Variants in PLCG2 observed in about 807,000 individuals in gnomAD.
The protein encoded by PLCG2 is 1-phosphatidylinositol 4,5-bisphosphate phosphodiesterase gamma-2.
A neutral mutation model predicts 175.6 loss-of-function variants in PLCG2; 69 were observed. That is an observed-to-expected ratio of 0.39 (90% CI 0.32 to 0.48). The LOEUF is 0.48. Among genes scored for constraint, PLCG2 ranks in the 20% least tolerant of loss-of-function variants. The probability of loss-of-function intolerance (pLI) is 0.91; values close to 1 mark genes in which losing one functional copy is unlikely to be tolerated. For synonymous variants in PLCG2, 827 were observed against 624.0 expected, an observed-to-expected ratio of 1.33 and a Z score of -4.85; for missense variants, 1,798 against 1,650.9, an observed-to-expected ratio of 1.09 and a Z score of -1.54.
intron 2 of PLCG2, among the ~76,000 whole-genome samples, chr16:81,837,857 C>T (rs372045589): frequency 2.0e-5 from 3 of 152,264 alleles, no homozygotes; most frequent in African/African-American, 4.8e-5. Flanking sequence ...TGCAGTATCA[C>T]AGCCAGGATA....
chr16:81,804,002 A>G (rs1393679135), intron 2 of PLCG2, among the ~76,000 whole-genome samples: 2 of 152,188 alleles, frequency 1.3e-5, no homozygotes, highest in Non-Finnish European at 2.9e-5. Context: ...ATTGTGAATA[A>G]TACTGCGGTG....
chr16:81,781,080 A>G (rs1042292851), intron 1 of PLCG2, among the ~76,000 whole-genome samples: 1 of 149,076 alleles, frequency 6.7e-6, no homozygotes, highest in Non-Finnish European at 1.5e-5. Context: ...TTTAGAAAAC[A>G]GCAAGAACAC....
chr16:81,810,446 A>C (rs562633861), intron 2 of PLCG2, among the ~76,000 whole-genome samples: 1 of 152,306 alleles, frequency 6.6e-6, no homozygotes, highest in East Asian at 1.9e-4. Flanking sequence ...ACTTATTTGC[A>C]ACCTGCAAAC....
chr16:81,778,074 AC>A (rs1567458039), upstream of PLCG2, among the ~76,000 whole-genome samples: 40 of 50,456 alleles, frequency 7.9e-4, 1 homozygote, highest in African/African-American at 4.2e-3. Context: ...CCAAAAACAC[AC>A]ACACACAAAA....
chr16:81,930,231 A>G (rs1192212189), intron 24 of PLCG2, among the ~76,000 whole-genome samples: 2 of 152,222 alleles, frequency 1.3e-5, no homozygotes, highest in Non-Finnish European at 2.9e-5. Context: ...ATTGCCTGGT[A>G]TATAAGAGCT....
chr16:81,792,079 T>C (rs894717341), intron 2 of PLCG2, among the ~76,000 whole-genome samples: 5 of 152,222 alleles, frequency 3.3e-5, no homozygotes. Context: ...GAACTGATGG[T>C]GGCCACCAGC....
intron 1 of PLCG2, among the ~76,000 whole-genome samples, chr16:81,780,257 G>T (rs966231353): frequency 2.0e-5 from 3 of 152,174 alleles, no homozygotes; most frequent in Non-Finnish European, 4.4e-5. Flanking sequence ...GCAAGTTGAA[G>T]AACCTTTTTG....
intron 30 of PLCG2, among the ~76,000 whole-genome samples, chr16:81,941,598 T>G (rs1186374411): frequency 6.6e-6 from 1 of 152,114 alleles, no homozygotes; most frequent in East Asian, 1.9e-4. Context: ...AAATGTTCAT[T>G]TTCATGAACA....
At chr16:81,891,671 G>A (rs1011784302) in intron 11 of PLCG2, 81 bp downstream of exon 11, 16 of 796,584 alleles carry the variant, frequency 2.0e-5, no homozygotes, top group Admixed American at 3.5e-5. Flanking sequence ...ACGCCGCTCC[G>A]GTGAGCCCTG....
chr16:81,917,327 C>T (rs1348207929), intron 19 of PLCG2, among the ~76,000 whole-genome samples: 1 of 151,096 alleles, frequency 6.6e-6, no homozygotes, highest in African/African-American at 2.4e-5. Context: ...GATTCTACAC[C>T]TTGGCTATGG....
Position 81,921,275 on chromosome 16 carries a change from G to T in PLCG2, c.2307+6G>T. On this transcript the variant is annotated splice_donor_region_variant and intron_variant, in intron 21 of 32. Coordinates refer to ENST00000564138, the MANE Select transcript of PLCG2 (RefSeq NM_002661.5). ...GTGAAATCAATCCGTCCATGGTACG[G>T]TGCCGAACCTCCAATTCACATGATT... 1 of 1,587,896 alleles carries T rather than the reference G, an allele frequency of 6.3e-7. No homozygotes were observed. Among genetic ancestry groups the T allele is most frequent in the Non-Finnish European group, 8.6e-7 (1 of 1,156,238 alleles).
In PLCG2 at chr16:81,956,946, C is replaced by T. The variant is rs534090369; in HGVS notation, c.3755+67C>T. On this transcript the variant is annotated intron_variant, in intron 32 of 32. Coordinates refer to ENST00000564138, the MANE Select transcript of PLCG2 (RefSeq NM_002661.5). The stretch of plus-strand genomic sequence containing the variant: ...CTAGGCACGGTGATGATGGGCACCA[C>T]GGGCCAGGCTTCTGGAAAGCCCTCT... 5.3e-5 allele frequency: 72 copies of T among 1,362,956 alleles called. No homozygotes were observed. In the Middle Eastern group the frequency reaches 5.5e-4, roughly 10 times the overall value. The allele number at this position is 1,362,956 out of a possible 1,614,324, so 84.4% of individuals were successfully genotyped here.
chr16:81,744,772 C>T (rs536601419), intron 1 of PLCG2, among the ~76,000 whole-genome samples: 2 of 151,912 alleles, frequency 1.3e-5, no homozygotes, highest in African/African-American at 4.8e-5. Context: ...CACTATGTTG[C>T]CCAGGCTGAT....
intron 1 of PLCG2, among the ~76,000 whole-genome samples, chr16:81,755,511 C>T (rs1312028394): frequency 6.6e-6 from 1 of 151,476 alleles, no homozygotes; most frequent in Non-Finnish European, 1.5e-5. Context: ...TGGCTTCAGC[C>T]TGTTTCTTTA....
At chr16:81,929,008 G>A (rs1041504755) in intron 24 of PLCG2, among the ~76,000 whole-genome samples, 1 of 152,230 alleles carries the variant, frequency 6.6e-6, no homozygotes, top group Admixed American at 6.5e-5. Context: ...ACCCAGCTCT[G>A]CCTCTCTGTC....
rs200573080 is a variant in PLCG2 at position 81,854,408 on chromosome 16, C to G, written c.194-36C>G. ...GCTGCATCCTCAGGTGGAGGGAACT[C>G]CAGCTTCTAATTGGCTCATGTTAAT... On this transcript the variant is annotated intron_variant, in intron 2 of 32. Coordinates refer to ENST00000564138, the MANE Select transcript of PLCG2 (RefSeq NM_002661.5). 232 of 1,607,056 alleles carry G rather than the reference C, an allele frequency of 1.4e-4. No individual in the cohort carries two copies. The African/African-American group carries it at 2.9e-3, about 20-fold the overall frequency.
intron 9 of PLCG2, among the ~76,000 whole-genome samples, chr16:81,884,821 GCAGA>G (rs1480268506): frequency 6.6e-6 from 1 of 151,976 alleles, no homozygotes; most frequent in African/African-American, 2.4e-5. Context: ...ATACACAAAA[GCAGA>G]CAGACGGTTT....
At chr16:81,935,359 G>A (rs1910663458) in intron 26 of PLCG2, among the ~76,000 whole-genome samples, 1 of 151,904 alleles carries the variant, frequency 6.6e-6, no homozygotes, top group South Asian at 2.1e-4. Flanking sequence ...TGCAAAGTCT[G>A]TTCTGCCATA....
chr16:81,877,475 C>T (rs1014603912), intron 7 of PLCG2, among the ~76,000 whole-genome samples: 5 of 152,284 alleles, frequency 3.3e-5, no homozygotes, highest in Admixed American at 1.3e-4. Context: ...AACAACAAAA[C>T]ACAGAAGTTT....
Sources: gnomAD v4.1 joint callset for allele counts (sites outside exome capture counted in the v4.1 genomes callset) on GRCh38, gnomAD v4.1.1 for gene constraint, MANE v1.5 for transcripts, NCBI Gene and HGNC (gene_info 2026-07-23, HGNC 2026-07-21) for gene names.